The following ARHGAP15 variants were observed in gnomAD, a reference collection of about 807,000 sequenced individuals.
ARHGAP15 encodes Rho GTPase activating protein 15, also known as rho GTPase-activating protein 15.
ARHGAP15 carries 51 observed loss-of-function variants against 63.7 expected under a neutral mutation model. The observed-to-expected ratio is 0.80, with a 90% confidence interval of 0.64 to 1.01. The LOEUF is 1.01. Among genes scored for constraint, ARHGAP15 ranks in the 50% least tolerant of loss-of-function variants. The probability of loss-of-function intolerance (pLI) is 0.00; values close to 1 mark genes in which losing one functional copy is unlikely to be tolerated. For synonymous variants in ARHGAP15, 191 were observed against 193.8 expected (o/e 0.99, Z 0.12); for missense variants, 560 against 564.6 (o/e 0.99, Z 0.08).
intron 11 of ARHGAP15, among the ~76,000 whole-genome samples, chr2:143,610,086 G>A (rs1272544703): frequency 2.0e-5 from 3 of 152,006 alleles, no homozygotes; most frequent in Non-Finnish European, 4.4e-5. Flanking sequence ...AGTATAATGG[G>A]CCCAGATGCT....
chr2:143,378,345 A>G (rs1686904131), intron 6 of ARHGAP15, among the ~76,000 whole-genome samples: 1 of 152,048 alleles, frequency 6.6e-6, no homozygotes, highest in African/African-American at 2.4e-5. Context: ...TAAGAAATAA[A>G]GACACTTTTC....
At chr2:143,583,121 G>A (rs975418740) in intron 11 of ARHGAP15, among the ~76,000 whole-genome samples, 1 of 152,296 alleles carries the variant, frequency 6.6e-6, no homozygotes, top group Non-Finnish European at 1.5e-5. Context: ...GCATATAAGT[G>A]CCATTGTTAA....
chr2:143,411,001 C>T (rs1461768877), intron 6 of ARHGAP15, among the ~76,000 whole-genome samples: 1 of 151,986 alleles, frequency 6.6e-6, no homozygotes, highest in African/African-American at 2.4e-5. Flanking sequence ...GTCAGGAGTT[C>T]ACGAACCAGC....
In ARHGAP15 at chr2:143,158,077, G is replaced by A. The variant is rs564688837; in HGVS notation, c.165+2422G>A. ...ACTTGTTCACTAGTATAACAATTAT[G>A]CAAATCCAGTATGACTTACTGGACT... On this transcript the variant is annotated intron_variant, in intron 2 of 13. Coordinates refer to ENST00000295095, the MANE Select transcript of ARHGAP15 (RefSeq NM_018460.4). Among the ~76,000 whole-genome samples, 5 of 151,878 alleles carry A rather than the reference G, an allele frequency of 3.3e-5. No homozygotes were observed. The South Asian group carries it at 1.0e-3, about 32-fold the overall frequency.
At chr2:143,433,190 G>A (rs1226703452) in intron 6 of ARHGAP15, among the ~76,000 whole-genome samples, 3 of 152,012 alleles carry the variant, frequency 2.0e-5, no homozygotes, top group Admixed American at 6.6e-5. Context: ...AAATAAAAAA[G>A]CGGGTTGAGG....
intron 12 of ARHGAP15, among the ~76,000 whole-genome samples, chr2:143,678,890 A>G (rs1287442713): frequency 2.6e-5 from 4 of 152,194 alleles, no homozygotes; most frequent in Non-Finnish European, 4.4e-5. Context: ...GCTTTATCCT[A>G]AGCAATAATA....
chr2:143,635,193 G>GTTTT, intron 12 of ARHGAP15, among the ~76,000 whole-genome samples: 1 of 62,752 alleles, frequency 1.6e-5, no homozygotes, highest in Non-Finnish European at 3.1e-5. Context: ...CCTCTCAGGA[G>GTTTT]CTTTTTTTTT....
At chr2:143,152,412 C>G (rs1199825010) in intron 1 of ARHGAP15, among the ~76,000 whole-genome samples, 1 of 151,984 alleles carries the variant, frequency 6.6e-6, no homozygotes, top group Admixed American at 6.6e-5. Flanking sequence ...TCCTCTCTCT[C>G]CACCTCCCAC....
At chr2:143,701,118 C>G (rs1260742906) in intron 12 of ARHGAP15, among the ~76,000 whole-genome samples, 2 of 151,934 alleles carry the variant, frequency 1.3e-5, no homozygotes, top group African/African-American at 2.4e-5. Flanking sequence ...TATTTATAGG[C>G]CTTTGTGGTT....
At chr2:143,569,042 C>A (rs976449752) in intron 11 of ARHGAP15, among the ~76,000 whole-genome samples, 12 of 152,058 alleles carry the variant, frequency 7.9e-5, no homozygotes, top group Admixed American at 3.3e-4. Context: ...AGGGATAGCA[C>A]TGGGAGAAAT....
chr2:143,369,444 T>C (rs1442769072), intron 6 of ARHGAP15, among the ~76,000 whole-genome samples: 1 of 152,156 alleles, frequency 6.6e-6, no homozygotes, highest in Non-Finnish European at 1.5e-5. Flanking sequence ...ACCTTTGAGC[T>C]TAGAAGTGGA....
At chr2:143,610,073 A>G (rs371434490) in intron 11 of ARHGAP15, among the ~76,000 whole-genome samples, 2 of 152,104 alleles carry the variant, frequency 1.3e-5, no homozygotes, top group Admixed American at 1.3e-4. Context: ...TATCGAGTAT[A>G]CTAGTATAAT....
chr2:143,435,517 A>T (rs1243249969), intron 6 of ARHGAP15, 84 bp from the exon 7 acceptor site: 7 of 1,385,146 alleles, frequency 5.1e-6, no homozygotes, highest in Non-Finnish European at 6.5e-6. Context: ...TGTGTTTTTT[A>T]AAAAAGGATT....
Position 143,381,234 on chromosome 2 carries a change from G to A in ARHGAP15, c.475-54367G>A, listed in dbSNP as rs1020388390. Among the ~76,000 whole-genome samples, 5 of 152,012 alleles carry A rather than the reference G, an allele frequency of 3.3e-5. No individual in the cohort carries two copies. The South Asian group carries it at 6.2e-4, about 19-fold the overall frequency. On this transcript the variant is annotated intron_variant, in intron 6 of 13. Coordinates refer to ENST00000295095, the MANE Select transcript of ARHGAP15 (RefSeq NM_018460.4). ...TGTTTGGCTTTGCTGTGATTTTAAG[G>A]TGCACTTCAGATTTATATTCTCCCC...
At chr2:143,525,033 T>C (rs1360059096) in intron 10 of ARHGAP15, among the ~76,000 whole-genome samples, 1 of 152,172 alleles carries the variant, frequency 6.6e-6, no homozygotes, top group Non-Finnish European at 1.5e-5. Flanking sequence ...TACATAGTTG[T>C]TTCCCGTTGC....
chr2:143,256,826 A>G (rs2105000143), intron 6 of ARHGAP15, among the ~76,000 whole-genome samples: 1 of 152,196 alleles, frequency 6.6e-6, no homozygotes, highest in Non-Finnish European at 1.5e-5. Flanking sequence ...AGTGCAAATG[A>G]TAGAATCTGG....
At chr2:143,488,101 C>T (rs1175110453) in intron 9 of ARHGAP15, among the ~76,000 whole-genome samples, 1 of 152,198 alleles carries the variant, frequency 6.6e-6, no homozygotes, top group East Asian at 1.9e-4. Flanking sequence ...GGCCACCAAT[C>T]ATGGTCTCTG....
At chr2:143,339,828 A>G (rs922509426) in intron 6 of ARHGAP15, among the ~76,000 whole-genome samples, 1 of 152,176 alleles carries the variant, frequency 6.6e-6, no homozygotes, top group Non-Finnish European at 1.5e-5. Flanking sequence ...TCATCACTGT[A>G]ATTTGTATTT....
Position 143,282,249 on chromosome 2 carries a change from AC to A in ARHGAP15, c.474+31651del, listed in dbSNP as rs1681886088. Among the ~76,000 whole-genome samples, 3 of 152,268 alleles carry A rather than the reference AC, an allele frequency of 2.0e-5. 1 individual carries two copies. In the South Asian group the frequency reaches 6.2e-4, roughly 32 times the overall value. ...TTAATAATGTTATAATTACAGAAGC[AC>A]CAAAAATAAGGCATGCATCCATCTC... On this transcript the variant is annotated intron_variant, in intron 6 of 13. Coordinates refer to ENST00000295095, the MANE Select transcript of ARHGAP15 (RefSeq NM_018460.4).
Sources: gnomAD v4.1 joint callset for allele counts (sites outside exome capture counted in the v4.1 genomes callset) on GRCh38, gnomAD v4.1.1 for gene constraint, MANE v1.5 for transcripts, NCBI Gene and HGNC (gene_info 2026-07-23, HGNC 2026-07-21) for gene names.